The following DBX2 variants were observed in gnomAD, a reference collection of about 807,000 sequenced individuals.
DBX2 encodes the protein developing brain homeobox 2.
A neutral mutation model predicts 17.7 loss-of-function variants in DBX2; 16 were observed. The observed-to-expected ratio is 0.90, with a 90% CI of 0.61 to 1.37. The LOEUF is 1.37. DBX2 is among the 40% of genes most tolerant of loss of function. The pLI is 0.00. For synonymous variants in DBX2, 255 were observed against 183.8 expected (o/e 1.39, Z -3.13); for missense variants, 538 against 433.8 (o/e 1.24, Z -2.13).
At chr12:45,018,054 G>C (rs1946332420) in intron 3 of DBX2, among the ~76,000 whole-genome samples, 1 of 152,134 alleles carries the variant, frequency 6.6e-6, no homozygotes, top group South Asian at 2.1e-4. Flanking sequence ...AGGCAATTCA[G>C]TGCAAAAGAC....
Position 45,016,819 on chromosome 12 carries a change from A to G in DBX2, c.688-201T>C, listed in dbSNP as rs553362051. Among the ~76,000 whole-genome samples, 12 of 151,976 alleles carry G rather than the reference A, an allele frequency of 7.9e-5. No homozygotes were observed. The East Asian group carries it at 2.1e-3, about 27-fold the overall frequency. On this transcript the variant is annotated intron_variant, in intron 3 of 3. Coordinates refer to ENST00000332700, the MANE Select transcript of DBX2 (RefSeq NM_001004329.3). ...TTATTTTATTATTATTTTTTTTGAG[A>G]TGGGGTCTCTCTCTGTCACCCTGGT...
chr12:45,031,215 TGTGTGTGTGTGAGAGAGAGA>T (rs1357463772), intron 2 of DBX2, among the ~76,000 whole-genome samples: 17 of 103,532 alleles, frequency 1.6e-4, no homozygotes, highest in East Asian at 5.7e-4. Flanking sequence ...TGTGTGTGTG[TGTGTGTGTGTGAGAGAGAGA>T]GAGAGAGAGA....
chr12:45,038,414 T>C (rs1212770152), intron 1 of DBX2, among the ~76,000 whole-genome samples: 1 of 151,326 alleles, frequency 6.6e-6, no homozygotes, highest in African/African-American at 2.4e-5. Context: ...AAAAAAAAGG[T>C]TTTGGTTTTG....
At chr12:45,023,659 A>C in intron 3 of DBX2, 48 bp downstream of exon 3, 1 of 1,609,562 alleles carries the variant, frequency 6.2e-7, no homozygotes. Flanking sequence ...ATTTCATCTG[A>C]TCTCAGAAGA....
intron 3 of DBX2, among the ~76,000 whole-genome samples, chr12:45,019,748 T>C (rs1946341832): frequency 6.6e-6 from 1 of 152,060 alleles, no homozygotes; most frequent in Non-Finnish European, 1.5e-5. Flanking sequence ...TGTACTGACA[T>C]GGAAGGAAGC....
chr12:45,046,227 A>C (rs1462591450), intron 1 of DBX2, among the ~76,000 whole-genome samples: 4 of 152,202 alleles, frequency 2.6e-5, no homozygotes, highest in Non-Finnish European at 4.4e-5. Flanking sequence ...CTCATGAACT[A>C]GGTAAAAGTT....
In DBX2 at chr12:45,033,987, A is replaced by G. The variant is rs147051617; in HGVS notation, c.499+2032T>C. Among the ~76,000 whole-genome samples, 412 of 152,222 alleles carry G rather than the reference A, an allele frequency of 2.7e-3. 1 individual carries two copies. Among genetic ancestry groups the G allele is most frequent in the African/African-American group, 9.4e-3 (389 of 41,530 alleles). ...CAGAGAAGATAAAGTCATCTAGAAAACATCTTTAGCATTACTTTTACATGC... is the reference window on the plus strand; with the variant it reads ...CAGAGAAGATAAAGTCATCTAGAAAGCATCTTTAGCATTACTTTTACATGC... On this transcript the variant is annotated intron_variant, in intron 2 of 3. Transcript: ENST00000332700.
chr12:45,034,524 C>T (rs1592755400), intron 2 of DBX2, among the ~76,000 whole-genome samples: 1 of 152,166 alleles, frequency 6.6e-6, no homozygotes, highest in South Asian at 2.1e-4. Context: ...GAATTCAATA[C>T]ATTCTAGTTA....
chr12:45,031,954 G>T (rs1235935045), intron 2 of DBX2, among the ~76,000 whole-genome samples: 2 of 151,960 alleles, frequency 1.3e-5, no homozygotes, highest in African/African-American at 4.8e-5. Context: ...TCAGACTAGG[G>T]CTATAGACAA....
chr12:45,050,223 TCA>T (rs1946522252), intron 1 of DBX2, among the ~76,000 whole-genome samples: 1 of 152,128 alleles, frequency 6.6e-6, no homozygotes, highest in Non-Finnish European at 1.5e-5. Flanking sequence ...CGTAGAACCC[TCA>T]GAGTTTCCCA....
At chr12:45,045,082 T>C (rs1946492537) in intron 1 of DBX2, among the ~76,000 whole-genome samples, 1 of 152,154 alleles carries the variant, frequency 6.6e-6, no homozygotes, top group Admixed American at 6.5e-5. Flanking sequence ...AAGTCTAAAA[T>C]GAGGATTCTA....
intron 1 of DBX2, among the ~76,000 whole-genome samples, chr12:45,042,261 C>T (rs981335413): frequency 6.6e-6 from 1 of 152,092 alleles, no homozygotes; most frequent in African/African-American, 2.4e-5. Flanking sequence ...TAAAACAGCA[C>T]ATAAAAAAGC....
At chr12:45,033,219 T>G (rs1448686278) in intron 2 of DBX2, among the ~76,000 whole-genome samples, 1 of 152,212 alleles carries the variant, frequency 6.6e-6, no homozygotes, top group Non-Finnish European at 1.5e-5. Context: ...AAATTATACT[T>G]CACTCGCGTA....
At chr12:45,028,015 CAA>C (rs772067832) in intron 2 of DBX2, among the ~76,000 whole-genome samples, 40 of 152,164 alleles carry the variant, frequency 2.6e-4, no homozygotes, top group Non-Finnish European at 4.3e-4. Context: ...AAAGTAGGTC[CAA>C]GAGAGAGCAG....
chr12:45,049,161 G>A (rs1457020748), intron 1 of DBX2, among the ~76,000 whole-genome samples: 1 of 152,128 alleles, frequency 6.6e-6, no homozygotes, highest in Admixed American at 6.5e-5. Context: ...ATTATGATTA[G>A]AAAAAGCTTA....
chr12:45,050,518 G>A lies in DBX2; in HGVS notation c.403+7C>T. On this transcript the variant is annotated splice_region_variant and intron_variant, in intron 1 of 3. Coordinates refer to ENST00000332700, the MANE Select transcript of DBX2 (RefSeq NM_001004329.3). ...GCGGCTGGGGAGGGAGGGGAGAGCT[G>A]GCTCACCTGGCGCTGAAGGCTGGAA... is the stretch of plus-strand genomic sequence containing the variant. 6.5e-7 allele frequency: 1 copy of A among 1,548,446 alleles called. No individual in the cohort carries two copies. Among genetic ancestry groups the A allele is most frequent in the Non-Finnish European group, 8.7e-7 (1 of 1,147,228 alleles).
At position 45,036,049 on chromosome 12, in the gene DBX2, G is replaced by T. The variant is rs138216785; in HGVS notation, c.469C>A (p.Arg157=). 2 of 1,613,610 alleles carry T rather than the reference G, an allele frequency of 1.2e-6. No homozygotes were observed. The highest frequency in any genetic ancestry group is 2.2e-5 in the East Asian group (1 of 44,858). The change falls in exon 2 of 4, where the codon CGG becomes AGG. Residue 157 remains arginine (R), a synonymous_variant. Coordinates refer to ENST00000332700, the MANE Select transcript of DBX2 (RefSeq NM_001004329.3). The stretch of plus-strand genomic sequence containing the variant: ...AAAGCAGTGGAGGATGCAGGGCGCC[G>T]ACAGGACCCACCGCAGCACGCCGAG... ...FYSACCGGSC[R]RPASSTAFPR... is the part of the protein sequence containing the mutation.
intron 1 of DBX2, among the ~76,000 whole-genome samples, chr12:45,044,940 G>A (rs1946491855): frequency 6.6e-6 from 1 of 152,070 alleles, no homozygotes; most frequent in African/African-American, 2.4e-5. Flanking sequence ...TTCATTAAAA[G>A]TGGAAACATT....
At chr12:45,045,295 C>G (rs1946493827) in intron 1 of DBX2, among the ~76,000 whole-genome samples, 1 of 152,170 alleles carries the variant, frequency 6.6e-6, no homozygotes, top group Non-Finnish European at 1.5e-5. Context: ...ATTAAGTAGA[C>G]AAACACTGTA....
Sources: gnomAD v4.1 joint callset for allele counts (sites outside exome capture counted in the v4.1 genomes callset) on GRCh38, gnomAD v4.1.1 for gene constraint, MANE v1.5 for transcripts, NCBI Gene and HGNC (gene_info 2026-07-23, HGNC 2026-07-21) for gene names.